Variants in FHIT observed in about 807,000 individuals in gnomAD.
The protein encoded by FHIT is bis(5'-adenosyl)-triphosphatase.
A neutral mutation model predicts 17.9 loss-of-function variants in FHIT; 19 were observed. The ratio of observed to expected loss-of-function variants is 1.06; its 90% confidence interval spans 0.74 to 1.56. FHIT has a LOEUF of 1.56. FHIT is among the 40% of genes most tolerant of loss of function. FHIT has a pLI of 0.00. For missense variants in FHIT, 248 were observed against 189.2 expected (o/e 1.31, Z -1.82); for synonymous variants, 81 against 69.7 (o/e 1.16, Z -0.81).
chr3:61,105,206 CT>C, intron 2 of FHIT, among the ~76,000 whole-genome samples: 1 of 151,496 alleles, frequency 6.6e-6, no homozygotes, highest in East Asian at 1.9e-4. Context: ...GCTTATCTAC[CT>C]TTAATCTTTG....
intron 4 of FHIT, among the ~76,000 whole-genome samples, chr3:60,654,185 G>A (rs2040063415): frequency 2.0e-5 from 3 of 152,120 alleles, no homozygotes; most frequent in African/African-American, 7.2e-5. Context: ...CGTGCTTCCT[G>A]TAAAGCCTGC....
At chr3:61,183,035 G>A (rs754125302) in intron 2 of FHIT, among the ~76,000 whole-genome samples, 16 of 152,176 alleles carry the variant, frequency 1.1e-4, no homozygotes, top group Non-Finnish European at 1.9e-4. Flanking sequence ...CCTGTGCTGA[G>A]ATACAGATTT....
At chr3:60,236,490 T>A (rs893905071) in intron 5 of FHIT, among the ~76,000 whole-genome samples, 1 of 152,120 alleles carries the variant, frequency 6.6e-6, no homozygotes, top group East Asian at 1.9e-4. Flanking sequence ...CTCTTTTCAG[T>A]CTTAAACACT....
At chr3:61,210,790 C>T (rs1480240386) in intron 1 of FHIT, among the ~76,000 whole-genome samples, 2 of 151,914 alleles carry the variant, frequency 1.3e-5, no homozygotes, top group African/African-American at 4.8e-5. Flanking sequence ...TCGGCTCACA[C>T]ACAGTGCGCT....
At chr3:60,671,777 T>TG (rs1553693949) in intron 4 of FHIT, among the ~76,000 whole-genome samples, 1 of 139,360 alleles carries the variant, frequency 7.2e-6, no homozygotes, top group African/African-American at 2.6e-5. Context: ...CCATCTCTAC[T>TG]AAAAAAAAAA....
At chr3:60,774,523 ACTC>A (rs1700154385) in intron 4 of FHIT, among the ~76,000 whole-genome samples, 1 of 151,990 alleles carries the variant, frequency 6.6e-6, no homozygotes, top group African/African-American at 2.4e-5. Flanking sequence ...CTGGTCTCGA[ACTC>A]CTGACCTCAA....
chr3:60,309,551 T>C (rs1708844625), intron 5 of FHIT, among the ~76,000 whole-genome samples: 2 of 152,128 alleles, frequency 1.3e-5, no homozygotes, highest in African/African-American at 4.8e-5. Flanking sequence ...CTTTTTACCT[T>C]CTATTAAAGA....
At chr3:60,039,597 C>T (rs1381702214) in intron 5 of FHIT, among the ~76,000 whole-genome samples, 1 of 152,156 alleles carries the variant, frequency 6.6e-6, no homozygotes, top group Non-Finnish European at 1.5e-5. Context: ...TATAAAGATG[C>T]ACTAAATATC....
At chr3:60,214,543 G>C (rs534613086) in intron 5 of FHIT, among the ~76,000 whole-genome samples, 6 of 152,100 alleles carry the variant, frequency 3.9e-5, no homozygotes, top group Non-Finnish European at 7.4e-5. Context: ...AGAGTAAAGG[G>C]AACACTTACA....
At chr3:60,337,910 C>T (rs1388387489) in intron 5 of FHIT, among the ~76,000 whole-genome samples, 4 of 152,138 alleles carry the variant, frequency 2.6e-5, no homozygotes, top group East Asian at 1.9e-4. Context: ...GTATGGGCAC[C>T]GAAGTGTATC....
chr3:60,527,832 T>C (rs1189214017), intron 5 of FHIT, among the ~76,000 whole-genome samples: 1 of 152,158 alleles, frequency 6.6e-6, no homozygotes, highest in Non-Finnish European at 1.5e-5. Flanking sequence ...TTGCAGCACA[T>C]GTGAAATGTA....
intron 5 of FHIT, among the ~76,000 whole-genome samples, chr3:60,173,141 A>G (rs1380445152): frequency 1.3e-5 from 2 of 152,174 alleles, no homozygotes; most frequent in African/African-American, 4.8e-5. Context: ...TTTCCACACT[A>G]AAATCAGCTA....
intron 3 of FHIT, among the ~76,000 whole-genome samples, chr3:60,943,162 T>C (rs1271198063): frequency 6.6e-6 from 1 of 152,156 alleles, no homozygotes; most frequent in East Asian, 1.9e-4. Context: ...TTTTCTAAGC[T>C]TCTTAGCTTG....
At chr3:59,848,670 T>G (rs2106781212) in intron 8 of FHIT, among the ~76,000 whole-genome samples, 1 of 152,342 alleles carries the variant, frequency 6.6e-6, no homozygotes, top group South Asian at 2.1e-4. Context: ...GGTAAGCTAT[T>G]CTAAGTTTTC....
chr3:60,334,242 T>C (rs1370168642), intron 5 of FHIT, among the ~76,000 whole-genome samples: 1 of 152,144 alleles, frequency 6.6e-6, no homozygotes, highest in East Asian at 1.9e-4. Flanking sequence ...TGTACAAAGA[T>C]TTGGACTTGG....
At chr3:60,084,921 C>G (rs2107063251) in intron 5 of FHIT, among the ~76,000 whole-genome samples, 2 of 152,178 alleles carry the variant, frequency 1.3e-5, no homozygotes, top group Middle Eastern at 6.8e-3. Context: ...CTTCAGGCAT[C>G]TTCTGTTATC....
intron 5 of FHIT, among the ~76,000 whole-genome samples, chr3:60,114,941 G>C (rs958552683): frequency 5.3e-5 from 8 of 152,078 alleles, no homozygotes; most frequent in Non-Finnish European, 8.8e-5. Context: ...AAGTTGGCAA[G>C]GCAGATTCTA....
rs1160372004 is a variant in FHIT, at chr3:60,602,348, A to C, written c.-17-65369T>G. Reference sequence around the variant, plus strand: ...CCTCACACTTTCTACAGCAACAGCCAATCTCGGAAAACCATGGAGCAATGT... The same window carrying C: ...CCTCACACTTTCTACAGCAACAGCCCATCTCGGAAAACCATGGAGCAATGT... On this transcript the variant is annotated intron_variant, in intron 4 of 9. Transcript: ENST00000492590. Among the ~76,000 whole-genome samples, 12 of 152,220 alleles carry C rather than the reference A, an allele frequency of 7.9e-5. 1 individual carries two copies. The highest frequency in any genetic ancestry group is 7.9e-4 in the Admixed American group (12 of 15,276).
intron 5 of FHIT, among the ~76,000 whole-genome samples, chr3:60,397,813 C>T (rs1701508243): frequency 6.6e-6 from 1 of 152,174 alleles, no homozygotes; most frequent in African/African-American, 2.4e-5. Context: ...GATTGATCCT[C>T]ACCTTTCACC....
Sources: gnomAD v4.1 joint callset for allele counts (sites outside exome capture counted in the v4.1 genomes callset) on GRCh38, gnomAD v4.1.1 for gene constraint, MANE v1.5 for transcripts, NCBI Gene and HGNC (gene_info 2026-07-23, HGNC 2026-07-21) for gene names.